The following PCDHGB3 variants were observed in gnomAD, a reference collection of about 807,000 sequenced individuals.
The protein encoded by PCDHGB3 is protocadherin gamma-B3.
Under a neutral mutation model 59.2 loss-of-function variants are expected in PCDHGB3, and 40 were observed. The observed-to-expected ratio is 0.68, with a 90% CI of 0.52 to 0.88. PCDHGB3 has a LOEUF of 0.88. Among genes scored for constraint, PCDHGB3 ranks in the 40% least tolerant of loss-of-function variants. PCDHGB3 has a pLI of 0.00. For synonymous variants in PCDHGB3, 581 were observed against 503.6 expected (o/e 1.15, Z -2.06); for missense variants, 1,309 against 1,187.9 (o/e 1.10, Z -1.50).
In PCDHGB3 at chr5:141,489,126, T is replaced by C; in HGVS notation, c.2416-5681T>C. ...TGCAAGCAGGCAAACCTCCGAGCAG[T>C]TTTTAAGAGGCTGGAAGGAGACATA... On this transcript the variant is annotated intron_variant, in intron 1 of 3. Coordinates refer to ENST00000576222, the MANE Select transcript of PCDHGB3 (RefSeq NM_018924.5). This position sits in a 1 kb window ranked among gnomAD's most constrained non-coding sequence, Gnocchi z 4.5. 1.7e-6 allele frequency: 1 copy of C among 585,136 alleles called. No individual in the cohort carries two copies. Among genetic ancestry groups the C allele is most frequent in the South Asian group, 3.2e-5 (1 of 31,406 alleles). The allele number at this position is 585,136 out of a possible 1,614,324, so 36.2% of individuals were successfully genotyped here. A position where few individuals can be genotyped will look rare whatever the true frequency, so the allele number is the denominator to read the frequency against.
chr5:141,423,760 G>T, intron 1 of PCDHGB3: 23 of 279,644 alleles, frequency 8.2e-5, no homozygotes, highest in South Asian at 2.0e-4. Flanking sequence ...TGGGGGGGGG[G>T]TGGGGCGGCA....
chr5:141,436,735 T>G (rs2097843412), intron 1 of PCDHGB3, among the ~76,000 whole-genome samples: 1 of 152,220 alleles, frequency 6.6e-6, no homozygotes, highest in Non-Finnish European at 1.5e-5. Context: ...AATAATGATT[T>G]TTGTGTGCTT....
chr5:141,428,436 A>G (rs922762798), intron 1 of PCDHGB3: 5 of 401,736 alleles, frequency 1.2e-5, no homozygotes, highest in Non-Finnish European at 2.3e-5. Flanking sequence ...CTAAGACTAG[A>G]CCAGGGGTTT....
chr5:141,412,992 G>A (rs1367027301), intron 1 of PCDHGB3: 1 of 568,350 alleles, frequency 1.8e-6, no homozygotes, highest in Non-Finnish European at 3.0e-6. Flanking sequence ...AGCTCAATCC[G>A]GATTCTCAGG....
At chr5:141,389,715 G>A (rs1210776013) in intron 1 of PCDHGB3, 4 of 1,612,586 alleles carry the variant, frequency 2.5e-6, no homozygotes, top group Middle Eastern at 1.7e-4. Context: ...GCAGGCTAGC[G>A]AGCCCGGGCT....
At position 141,489,063 on chromosome 5, in the gene PCDHGB3, C is replaced by A; in HGVS notation, c.2416-5744C>A. ...CTCCACTCAAATTCAGCTCCCCTCC[C>A]CCCTGCCCACCCCCGCCACTCGGTG... On this transcript the variant is annotated intron_variant, in intron 1 of 3. Coordinates refer to ENST00000576222, the MANE Select transcript of PCDHGB3 (RefSeq NM_018924.5). This position sits in a 1 kb window ranked among gnomAD's most constrained non-coding sequence, Gnocchi z 4.5. 2.6e-6 allele frequency: 1 copy of A among 384,986 alleles called. No individual in the cohort carries two copies. Among genetic ancestry groups the A allele is most frequent in the East Asian group, 4.5e-5 (1 of 22,374 alleles). 23.8% of individuals were successfully genotyped at this position (384,986 alleles called of 1,614,324 possible). A position where few individuals can be genotyped will look rare whatever the true frequency, so the allele number is the denominator to read the frequency against.
chr5:141,504,765 C>T lies in PCDHGB3; in HGVS notation c.2475-628C>T, dbSNP rs548234873. ...ATTGAATTTTAGAAATTTCTTCTCC[C>T]TGCTCCAGGGTCTCTTGGGGCCTCC... On this transcript the variant is annotated intron_variant, in intron 2 of 3. Transcript: ENST00000576222. Among the ~76,000 whole-genome samples, 4 of 152,156 alleles carry T rather than the reference C, an allele frequency of 2.6e-5. No homozygotes were observed. The South Asian group carries it at 8.3e-4, about 32-fold the overall frequency.
At chr5:141,412,527 A>G (rs1017506409) in intron 1 of PCDHGB3, 3 of 152,186 alleles carry the variant, frequency 2.0e-5, no homozygotes, top group Admixed American at 1.3e-4. Context: ...AGTAGTTACA[A>G]TTATAAAGCT....
Position 141,370,547 on chromosome 5 carries a change from C to T in PCDHGB3, c.153C>T (p.Ala51=). 6.2e-7 allele frequency: 1 copy of T among 1,613,888 alleles called. No individual in the cohort carries two copies. The highest frequency in any genetic ancestry group is 8.5e-7 in the Non-Finnish European group (1 of 1,179,876). The change falls in exon 1 of 4, where the codon GCC becomes GCT. Residue 51 remains alanine, a synonymous_variant. Coordinates refer to ENST00000576222, the MANE Select transcript of PCDHGB3 (RefSeq NM_018924.5). ...GGGGCTCGCTGGTAGGGAACCTCGC[C>T]AAGGACCTGGGGTTTGGCGTGGGGG... ...LDRGSLVGNL[A]KDLGFGVGDL... is the part of the protein sequence containing the mutation.
At chr5:141,433,211 T>TC in intron 1 of PCDHGB3, 1 of 1,568,160 alleles carries the variant, frequency 6.4e-7, no homozygotes, top group Non-Finnish European at 8.6e-7. Context: ...CTTCTTTCTT[T>TC]TTTTTTTTTA....
chr5:141,420,187 C>G (rs1369031488), intron 1 of PCDHGB3: 1 of 1,613,706 alleles, frequency 6.2e-7, no homozygotes, highest in East Asian at 2.2e-5. Context: ...ATTGTCCAGC[C>G]ACACAAGATA....
intron 1 of PCDHGB3, chr5:141,385,465 G>A: frequency 6.9e-7 from 1 of 1,441,910 alleles, no homozygotes; most frequent in Non-Finnish European, 9.1e-7. Flanking sequence ...TCCTTCAGTG[G>A]TGACACTTTA....
At chr5:141,427,401 G>A (rs2097022075) in intron 1 of PCDHGB3, 1 of 461,400 alleles carries the variant, frequency 2.2e-6, no homozygotes, top group Non-Finnish European at 4.3e-6. Flanking sequence ...ACATGATAAA[G>A]ATTCGAGAGA....
rs1424346887 is a variant in PCDHGB3, at chr5:141,489,602, T to C, written c.2416-5205T>C. ...CCCCTGGAGCTAATCCGTGTAGAGG[T>C]AGAGATCCTGGATCTCAATGACAAC... On this transcript the variant is annotated intron_variant, in intron 1 of 3. Coordinates refer to ENST00000576222, the MANE Select transcript of PCDHGB3 (RefSeq NM_018924.5). The surrounding 1 kb of genome is among the most constrained non-coding windows in gnomAD (Gnocchi z 4.5). The C allele has an allele frequency of 5.6e-6, 9 of 1,613,754 alleles. No homozygotes were observed. In the African/African-American group the frequency reaches 6.7e-5, roughly 12 times the overall value.
intron 1 of PCDHGB3, among the ~76,000 whole-genome samples, chr5:141,473,132 T>C (rs2099314792): frequency 6.6e-6 from 1 of 152,230 alleles, no homozygotes; most frequent in Non-Finnish European, 1.5e-5. Context: ...TGGCAAACTA[T>C]ATTATCTCTT....
intron 1 of PCDHGB3, chr5:141,419,888 G>A: frequency 6.2e-7 from 1 of 1,614,056 alleles, no homozygotes; most frequent in Non-Finnish European, 8.5e-7. Context: ...GGATTTCAGC[G>A]ACCATCCCAC....
intron 2 of PCDHGB3, among the ~76,000 whole-genome samples, chr5:141,500,768 A>C (rs2099802446): frequency 6.6e-6 from 1 of 152,180 alleles, no homozygotes; most frequent in African/African-American, 2.4e-5. Flanking sequence ...AACTCCTCTT[A>C]TGAATATACA....
intron 1 of PCDHGB3, chr5:141,413,618 A>C (rs1188549125): frequency 6.2e-7 from 1 of 1,613,916 alleles, no homozygotes; most frequent in Admixed American, 1.7e-5. Context: ...AAAATTAATG[A>C]AAATGTCGCT....
chr5:141,409,438 A>G (rs1459982502), intron 1 of PCDHGB3: 2 of 1,613,984 alleles, frequency 1.2e-6, no homozygotes, highest in Non-Finnish European at 1.7e-6. Flanking sequence ...CCCTGGACCG[A>G]GAGCAGACAC....
Sources: allele counts gnomAD v4.1 joint callset (sites outside exome capture counted in the v4.1 genomes callset), GRCh38; gene constraint gnomAD v4.1.1; non-coding constraint Gnocchi (gnomAD v3.1); transcripts MANE v1.5; gene names NCBI Gene and HGNC (gene_info 2026-07-23, HGNC 2026-07-21).